The following QTRT2 variants were observed in gnomAD, a reference collection of about 807,000 sequenced individuals.
QTRT2 encodes queuine tRNA-ribosyltransferase domain containing 1.
A neutral mutation model predicts 44.8 loss-of-function variants in QTRT2; 32 were observed. The ratio of observed to expected loss-of-function variants is 0.71; its 90% CI spans 0.54 to 0.96. QTRT2 has a LOEUF of 0.96. Among genes scored for constraint, QTRT2 ranks in the 40% least tolerant of loss-of-function variants. The pLI, the probability that QTRT2 is intolerant of heterozygous loss-of-function variation, is 0.00. For synonymous variants in QTRT2, 182 were observed against 187.4 expected, an observed-to-expected ratio of 0.97 and a Z score of 0.24; for missense variants, 461 against 503.1, an observed-to-expected ratio of 0.92 and a Z score of 0.80.
chr3:114,063,651 A>G (rs2076916094), intron 2 of QTRT2, among the ~76,000 whole-genome samples: 1 of 152,128 alleles, frequency 6.6e-6, no homozygotes, highest in Non-Finnish European at 1.5e-5. Context: ...CACTTATATT[A>G]GTTTTTATAA....
Position 114,085,783 on chromosome 3 carries a change from G to C in QTRT2, c.1127G>C (p.Gly376Ala). Residue 376 changes from glycine (G) to alanine (A), a missense_variant, in exon 10 of 10, where the codon GGA (glycine) becomes GCA (alanine). Gly to Ala is a moderately conservative substitution (Grantham distance 60, BLOSUM62 0). Coordinates refer to ENST00000281273, the MANE Select transcript of QTRT2 (RefSeq NM_024638.4). ...CTGGTGACCAATGAGCTGCTGGCCG[G>C]AGTCCTGCTTATGATGCACAACTTT... ...HLLVTNELLAGVLLMMHNFEH... is the reference protein window; with the variant it reads ...HLLVTNELLAAVLLMMHNFEH... The C allele has an allele frequency of 1.9e-6, 3 of 1,614,184 alleles. No homozygotes were observed. Among genetic ancestry groups the C allele is most frequent in the Non-Finnish European group, 2.5e-6 (3 of 1,180,028 alleles).
At position 114,076,803 on chromosome 3, in the gene QTRT2, C is replaced by G; in HGVS notation, c.607C>G (p.Leu203Val). The G allele has an allele frequency of 6.2e-7, 1 of 1,614,172 alleles. No individual in the cohort carries two copies. Among genetic ancestry groups the G allele is most frequent in the Non-Finnish European group, 8.5e-7 (1 of 1,180,020 alleles). ...AGGTGGAGATGTGATGGAAGAGAGG[C>G]TGAGGTCAGCACGAGAGACAGCCAA... The part of the protein sequence containing the change: ...IEGGDVMEER[L>V]RSARETAKRP... The change falls in exon 7 of 10, where the codon CTG becomes GTG. Residue 203 changes from leucine to valine, a missense_variant. Physicochemically the swap from Leu to Val is conservative, Grantham distance 32. Transcript: ENST00000281273.
chr3:114,068,117 T>A, intron 5 of QTRT2, 54 bp downstream of exon 5: 2 of 1,413,518 alleles, frequency 1.4e-6, no homozygotes, highest in Non-Finnish European at 2.0e-6. Context: ...GAAGTCAGCC[T>A]ATGGTGTATC....
At chr3:114,081,692 C>CTT (rs1372436243) in intron 8 of QTRT2, among the ~76,000 whole-genome samples, 2 of 152,156 alleles carry the variant, frequency 1.3e-5, no homozygotes, top group African/African-American at 4.8e-5. Context: ...CCTGCCTTAG[C>CTT]CTCCCAAAGT....
chr3:114,073,669 G>A (rs192334560), intron 6 of QTRT2, among the ~76,000 whole-genome samples: 14 of 152,142 alleles, frequency 9.2e-5, no homozygotes, highest in South Asian at 2.1e-4. Flanking sequence ...GTGAGTCACC[G>A]CGCCCGGCCT....
chr3:114,077,240 A>G (rs1396950386), intron 7 of QTRT2: 1 of 316,400 alleles, frequency 3.2e-6, no homozygotes, highest in East Asian at 6.3e-5. Flanking sequence ...TGCCAATTAC[A>G]AATATTGTTG....
chr3:114,062,750 G>A (rs1337351394), intron 2 of QTRT2, among the ~76,000 whole-genome samples: 7 of 152,156 alleles, frequency 4.6e-5, no homozygotes, highest in Non-Finnish European at 2.9e-5. Flanking sequence ...CTGGAGAAAC[G>A]AGAGCATAAA....
chr3:114,067,987 G>T lies in QTRT2; in HGVS notation c.257G>T (p.Gly86Val), dbSNP rs1437614342. 1 of 1,613,436 alleles carries T rather than the reference G, an allele frequency of 6.2e-7. No individual in the cohort carries two copies. The highest frequency in any genetic ancestry group is 2.2e-5 in the East Asian group (1 of 44,846). Residue 86 changes from glycine to valine, a missense_variant and splice_region_variant, in exon 5 of 10, where the codon GGC (glycine) becomes GTC (valine). By Grantham distance (109) the Gly-to-Val change is moderately radical (BLOSUM62 -3). Transcript: ENST00000281273. ...AGGGTTCTTTTTTGTGTTTATACAG[G>T]CATGCCAGAATCACTCTTGTACTGC... ...EYKEGVGKFI[G>V]MPESLLYCSL...
chr3:114,061,325 G>A (rs1354044383), intron 2 of QTRT2, among the ~76,000 whole-genome samples: 1 of 152,112 alleles, frequency 6.6e-6, no homozygotes, highest in African/African-American at 2.4e-5. Context: ...TAGTCTCTGA[G>A]GTTGATAGGT....
intron 6 of QTRT2, among the ~76,000 whole-genome samples, chr3:114,076,008 G>A (rs756611150): frequency 6.6e-6 from 1 of 152,120 alleles, no homozygotes; most frequent in Non-Finnish European, 1.5e-5. Flanking sequence ...ATTGGTTTGT[G>A]AGTAGATAGT....
intron 7 of QTRT2, chr3:114,078,907 A>C (rs2077127614): frequency 6.6e-6 from 1 of 152,166 alleles, no homozygotes; most frequent in Admixed American, 6.5e-5. Flanking sequence ...TTATTAATGG[A>C]GAAAATATAA....
At chr3:114,085,146 G>A (rs148592352) in intron 9 of QTRT2, among the ~76,000 whole-genome samples, 15 of 152,206 alleles carry the variant, frequency 9.9e-5, no homozygotes, top group African/African-American at 3.6e-4. Flanking sequence ...CCCCAGACTC[G>A]GAGTTTGCAT....
At chr3:114,059,479 T>C (rs2076854266) in intron 2 of QTRT2, among the ~76,000 whole-genome samples, 1 of 152,260 alleles carries the variant, frequency 6.6e-6, no homozygotes, top group African/African-American at 2.4e-5. Flanking sequence ...TACTATTTTA[T>C]TACTTCATAG....
At chr3:114,063,283 A>G (rs2076911903) in intron 2 of QTRT2, among the ~76,000 whole-genome samples, 1 of 152,224 alleles carries the variant, frequency 6.6e-6, no homozygotes, top group Non-Finnish European at 1.5e-5. Flanking sequence ...TAAATTTCAC[A>G]TTAGAACTCT....
chr3:114,057,217 G>A (rs1316883334), intron 2 of QTRT2, 111 bp downstream of exon 2: 4 of 335,180 alleles, frequency 1.2e-5, no homozygotes, highest in East Asian at 7.9e-5. Context: ...ATGGCCCATG[G>A]AGCAAAGATA....
In QTRT2 at chr3:114,088,184, G is replaced by A. The variant is rs1048348012; in HGVS notation, c.*2280G>A. 29 of 152,186 alleles carry A rather than the reference G, an allele frequency of 1.9e-4. No individual in the cohort carries two copies. Among genetic ancestry groups the A allele is most frequent in the African/African-American group, 6.5e-4 (27 of 41,452 alleles). The allele number at this position is 152,186 out of a possible 1,614,324, so 9.4% of individuals were successfully genotyped here. Reference sequence around the variant, plus strand: ...GTGGTAAATATTCCAGAATCCATATGAAATTCATGAGTTTATTTATGTCTA... The same window carrying A: ...GTGGTAAATATTCCAGAATCCATATAAAATTCATGAGTTTATTTATGTCTA... On this transcript the variant is annotated 3_prime_UTR_variant, in exon 10 of 10. Coordinates refer to ENST00000281273, the MANE Select transcript of QTRT2 (RefSeq NM_024638.4).
At chr3:114,058,902 AT>A (rs1295153421) in intron 2 of QTRT2, among the ~76,000 whole-genome samples, 7 of 152,134 alleles carry the variant, frequency 4.6e-5, no homozygotes, top group African/African-American at 1.7e-4. Flanking sequence ...TCCTTCAGTC[AT>A]TTTTCTATGC....
At chr3:114,083,287 CTGTTGTTGT>C (rs1207398579) in intron 9 of QTRT2, among the ~76,000 whole-genome samples, 14 of 144,676 alleles carry the variant, frequency 9.7e-5, no homozygotes, top group African/African-American at 3.6e-4. Flanking sequence ...GTTGTTGTTG[CTGTTGTTGT>C]TGTTGCTGTT....
At position 114,070,748 on chromosome 3, in the gene QTRT2, G is replaced by A. The variant is rs760544898; in HGVS notation, c.456G>A (p.Lys152=). 17 of 1,613,882 alleles carry A rather than the reference G, an allele frequency of 1.1e-5. No homozygotes were observed. Among genetic ancestry groups the A allele is most frequent in the Middle Eastern group, 1.6e-4 (1 of 6,084 alleles). ...QCLSDGEVSC[K]EATSIKRVRK... ...TCTCCGATGGAGAAGTATCTTGTAA[G>A]GAAGCAACTTCCATAAAAAGGGTCA... The change falls in exon 6 of 10, where the codon AAG becomes AAA. Residue 152 remains lysine (K), a synonymous_variant. Transcript: ENST00000281273.
Sources: allele counts gnomAD v4.1 joint callset (sites outside exome capture counted in the v4.1 genomes callset), GRCh38; gene constraint gnomAD v4.1.1; transcripts MANE v1.5; gene names NCBI Gene and HGNC (gene_info 2026-07-23, HGNC 2026-07-21).